Variants in CRIM1 observed in about 807,000 individuals in gnomAD.
CRIM1 encodes the protein cysteine rich transmembrane BMP regulator 1.
A neutral mutation model predicts 116.4 loss-of-function variants in CRIM1; 32 were observed. The ratio of observed to expected loss-of-function variants is 0.27; its 90% CI spans 0.21 to 0.37. The LOEUF (loss-of-function observed/expected upper bound fraction) is 0.37, where lower values mean the gene tolerates loss of function less well. CRIM1 is among the 10% of genes least tolerant of loss of function. The pLI is 1.00. For synonymous variants in CRIM1, 590 were observed against 509.2 expected (o/e 1.16, Z -2.13); for missense variants, 1,331 against 1,354.8 (o/e 0.98, Z 0.28).
chr2:36,499,536 T>C, intron 8 of CRIM1, 189 bp downstream of exon 8: 1 of 557,250 alleles, frequency 1.8e-6, no homozygotes, highest in Non-Finnish European at 3.0e-6. Flanking sequence ...TGCTGCTTTA[T>C]TGTGTTTTTT....
chr2:36,545,265 T>C (rs1667239371), intron 15 of CRIM1, among the ~76,000 whole-genome samples: 2 of 152,228 alleles, frequency 1.3e-5, no homozygotes, highest in Admixed American at 1.3e-4. Flanking sequence ...CTAAACGTTA[T>C]GCTTGGATCA....
At chr2:36,498,181 G>A (rs1239877034) in intron 7 of CRIM1, among the ~76,000 whole-genome samples, 1 of 152,122 alleles carries the variant, frequency 6.6e-6, no homozygotes, top group African/African-American at 2.4e-5. Flanking sequence ...GTTCCCTTTG[G>A]CAACACCGTT....
chr2:36,434,022 G>T (rs1394083860), intron 2 of CRIM1, among the ~76,000 whole-genome samples: 5 of 152,156 alleles, frequency 3.3e-5, no homozygotes, highest in African/African-American at 7.2e-5. Context: ...TCCCCTTGGG[G>T]TTATGATTGT....
intron 12 of CRIM1, among the ~76,000 whole-genome samples, chr2:36,518,455 A>G (rs1220655165): frequency 6.6e-6 from 1 of 152,210 alleles, no homozygotes; most frequent in East Asian, 1.9e-4. Context: ...TCAGCTGGCC[A>G]GAATCTGTTG....
chr2:36,374,155 C>T (rs1396577447), intron 1 of CRIM1, among the ~76,000 whole-genome samples: 1 of 152,192 alleles, frequency 6.6e-6, no homozygotes, highest in East Asian at 1.9e-4. Flanking sequence ...TTTTCATGCC[C>T]AAAGATTCTT....
chr2:36,459,169 G>C (rs1190431780), intron 4 of CRIM1, among the ~76,000 whole-genome samples: 1 of 152,126 alleles, frequency 6.6e-6, no homozygotes, highest in African/African-American at 2.4e-5. Context: ...TTCTTGGAAA[G>C]TGGATTGCAA....
intron 3 of CRIM1, among the ~76,000 whole-genome samples, chr2:36,442,005 C>T (rs1403652578): frequency 1.3e-5 from 2 of 152,200 alleles, no homozygotes; most frequent in Non-Finnish European, 2.9e-5. Flanking sequence ...CGCATCTGCC[C>T]TCTTTACTTT....
chr2:36,379,911 A>G (rs980153690), intron 1 of CRIM1, among the ~76,000 whole-genome samples: 25 of 152,150 alleles, frequency 1.6e-4, no homozygotes, highest in African/African-American at 5.8e-4. Flanking sequence ...GTTAAAAAAA[A>G]AAAAAAAAGG....
rs1667590670 is a variant in CRIM1 at position 36,549,408 on chromosome 2, G to A, written c.*707G>A. On this transcript the variant is annotated 3_prime_UTR_variant, in exon 17 of 17. Transcript: ENST00000280527. ...TATTTTCTTCCAAGCCAATCAATCA[G>A]CCAGTTCCTAGCAGAGTCAGCACAT... The A allele has an allele frequency of 1.3e-5, 2 of 152,372 alleles. No individual in the cohort carries two copies. Among genetic ancestry groups the A allele is most frequent in the Admixed American group, 1.3e-4 (2 of 15,258 alleles). The allele number at this position is 152,372 out of a possible 1,614,324, so 9.4% of individuals were successfully genotyped here.
intron 6 of CRIM1, among the ~76,000 whole-genome samples, chr2:36,479,099 T>C (rs1679208828): frequency 6.6e-6 from 1 of 152,222 alleles, no homozygotes; most frequent in South Asian, 2.1e-4. Context: ...GCTTCCGCTT[T>C]ACAGTTAGGG....
intron 5 of CRIM1, among the ~76,000 whole-genome samples, chr2:36,470,674 C>T (rs1678429826): frequency 6.6e-6 from 1 of 152,186 alleles, no homozygotes; most frequent in Non-Finnish European, 1.5e-5. Flanking sequence ...CACCTGGTCT[C>T]CCAAGAGCTC....
At chr2:36,514,607 T>C (rs6759705) in intron 11 of CRIM1, among the ~76,000 whole-genome samples, 47,952 of 151,508 alleles carry the variant, frequency 0.32, 7,814 homozygotes, top group Middle Eastern at 0.48. Context: ...AAATCTTGTA[T>C]CAGATTTCTT....
chr2:36,383,124 TTATC>T (rs1439530826), intron 1 of CRIM1, among the ~76,000 whole-genome samples: 2 of 152,214 alleles, frequency 1.3e-5, no homozygotes, highest in Non-Finnish European at 2.9e-5. Context: ...CTTGAAAAAT[TTATC>T]TACTTAACTG....
chr2:36,550,032 AGAGTATGTATGTGTGT>A lies in CRIM1; in HGVS notation c.*1333_*1348del, dbSNP rs1448946430. On this transcript the variant is annotated 3_prime_UTR_variant, in exon 17 of 17. Coordinates refer to ENST00000280527, the MANE Select transcript of CRIM1 (RefSeq NM_016441.3). ...GTTTAATTGGAAAGATGTGTGTGTG[AGAGTATGTATGTGTGT>A]GTGTGTGTGTGTGTGTGTGCGCGCG... 1 of 148,550 alleles carries A rather than the reference AGAGTATGTATGTGTGT, an allele frequency of 6.7e-6. No homozygotes were observed. Among genetic ancestry groups the A allele is most frequent in the Admixed American group, 6.7e-5 (1 of 14,888 alleles). The allele number at this position is 148,550 out of a possible 1,614,324, so 9.2% of individuals were successfully genotyped here.
intron 5 of CRIM1, among the ~76,000 whole-genome samples, chr2:36,465,008 G>A (rs375680550): frequency 3.9e-5 from 6 of 152,150 alleles, no homozygotes; most frequent in Non-Finnish European, 5.9e-5. Flanking sequence ...CATGGCTGTC[G>A]GGAGGTGACC....
At chr2:36,501,205 T>C (rs1680958127) in intron 8 of CRIM1, among the ~76,000 whole-genome samples, 1 of 152,212 alleles carries the variant, frequency 6.6e-6, no homozygotes, top group African/African-American at 2.4e-5. Flanking sequence ...TGGTTGTAAT[T>C]ACCATGGCTC....
chr2:36,472,274 CT>C (rs928682817), intron 5 of CRIM1, among the ~76,000 whole-genome samples: 4 of 148,324 alleles, frequency 2.7e-5, no homozygotes, highest in African/African-American at 5.3e-5. Context: ...ACATCTACCC[CT>C]GATAGGTGAA....
At chr2:36,429,562 G>A (rs927314017) in intron 2 of CRIM1, among the ~76,000 whole-genome samples, 2 of 152,184 alleles carry the variant, frequency 1.3e-5, no homozygotes, top group South Asian at 2.1e-4. Flanking sequence ...GCTCTACTGT[G>A]CATTTATAGA....
At chr2:36,511,210 G>A (rs542432345) in intron 9 of CRIM1, among the ~76,000 whole-genome samples, 1 of 152,158 alleles carries the variant, frequency 6.6e-6, no homozygotes, top group South Asian at 2.1e-4. Context: ...CAAAGTGCTG[G>A]GATTACAGGC....
Sources: allele counts gnomAD v4.1 joint callset (sites outside exome capture counted in the v4.1 genomes callset), GRCh38; gene constraint gnomAD v4.1.1; transcripts MANE v1.5; gene names NCBI Gene and HGNC (gene_info 2026-07-23, HGNC 2026-07-21).